PCDH15: variants seen among roughly 807,000 people sequenced by gnomAD.
PCDH15 encodes the protein protocadherin related 15, also known as protocadherin-15.
Under a neutral mutation model 178.5 loss-of-function variants are expected in PCDH15, and 129 were observed. The ratio of observed to expected loss-of-function variants is 0.72; its 90% CI spans 0.63 to 0.84. PCDH15 has a LOEUF of 0.84. Among genes scored for constraint, PCDH15 ranks in the 40% least tolerant of loss-of-function variants. The pLI is 0.00. For synonymous variants in PCDH15, 800 were observed against 732.0 expected, an observed-to-expected ratio of 1.09 and a Z score of -1.50; for missense variants, 2,230 against 2,099.9, an observed-to-expected ratio of 1.06 and a Z score of -1.21.
chr10:54,020,321 T>C lies in PCDH15; in HGVS notation c.2622A>G (p.Leu874=), dbSNP rs1419751426. 1 of 1,613,744 alleles carries C rather than the reference T, an allele frequency of 6.2e-7. No homozygotes were observed. Among genetic ancestry groups the C allele is most frequent in the African/African-American group, 1.3e-5 (1 of 74,914 alleles). Residue 874 remains leucine, a synonymous_variant, in exon 20 of 38, where the codon CTA becomes CTG. Transcript: ENST00000644397. ...CATAATCTAAACTCCTTAAAAGCGA[T>C]AGTTCTCCTGTAAATGGATGTAGTG... is the stretch of plus-strand genomic sequence containing the variant. The part of the protein sequence containing the change: ...FFALHPFTGE[L]SLLRSLDYEA...
At chr10:54,763,647 G>T (rs1408352245) in intron 1 of PCDH15, among the ~76,000 whole-genome samples, 2 of 151,638 alleles carry the variant, frequency 1.3e-5, no homozygotes, top group African/African-American at 4.8e-5. Flanking sequence ...ATAAATCTTT[G>T]TGGTGATGGA....
intron 14 of PCDH15, among the ~76,000 whole-genome samples, chr10:54,141,369 T>C (rs1269327072): frequency 6.6e-6 from 1 of 152,150 alleles, no homozygotes; most frequent in Non-Finnish European, 1.5e-5. Context: ...AAAAATCTTA[T>C]AAAAGACTTA....
rs569594006 is a variant in PCDH15, at chr10:55,240,037, T to A, written c.-155-73386A>T. Among the ~76,000 whole-genome samples, 10 of 152,084 alleles carry A rather than the reference T, an allele frequency of 6.6e-5. No homozygotes were observed. In the South Asian group the frequency reaches 1.9e-3, roughly 28 times the overall value. On this transcript the variant is annotated intron_variant, in intron 1 of 5. Transcript: ENST00000458638. Reference sequence around the variant, plus strand: ...GCTTTTATCCAAAAACAGGCAACAATGAAGGATGTGGAGGAAGCGGAACCC... The same window carrying A: ...GCTTTTATCCAAAAACAGGCAACAAAGAAGGATGTGGAGGAAGCGGAACCC...
intron 2 of PCDH15, among the ~76,000 whole-genome samples, chr10:55,132,545 C>T (rs1838081112): frequency 6.6e-6 from 1 of 152,072 alleles, no homozygotes; most frequent in African/African-American, 2.4e-5. Context: ...ATGTCTGAAG[C>T]ATTAGTGTAT....
At chr10:54,041,981 A>T (rs2093556899) in intron 18 of PCDH15, among the ~76,000 whole-genome samples, 1 of 151,948 alleles carries the variant, frequency 6.6e-6, no homozygotes, top group African/African-American at 2.4e-5. Context: ...TATTAGTAAC[A>T]TTCTTGAGAT....
At position 54,090,047 on chromosome 10, in the gene PCDH15, C is replaced by A. The variant is rs763226433; in HGVS notation, c.1934G>T (p.Gly645Val). Residue 645 changes from glycine (G) to valine (V), a missense_variant, in exon 16 of 38, where the codon GGA becomes GTA. By Grantham distance (109) the Gly-to-Val change is moderately radical. Coordinates refer to ENST00000644397, the MANE Select transcript of PCDH15 (RefSeq NM_001384140.1). ...LLNLQATDRE[G>V]DSITYAIENG... ...CTCAATGGCATATGTTATTGAGTCTCCCTCTCGATCAGTTGCCTTCAGAGA... is the reference window on the plus strand; with the variant it reads ...CTCAATGGCATATGTTATTGAGTCTACCTCTCGATCAGTTGCCTTCAGAGA... 6.2e-7 allele frequency: 1 copy of A among 1,611,558 alleles called. No individual in the cohort carries two copies. The highest frequency in any genetic ancestry group is 8.5e-7 in the Non-Finnish European group (1 of 1,178,110).
chr10:54,423,167 G>C (rs1955771350), intron 3 of PCDH15, among the ~76,000 whole-genome samples: 1 of 151,928 alleles, frequency 6.6e-6, no homozygotes, highest in Non-Finnish European at 1.5e-5. Flanking sequence ...TTATTCACCA[G>C]GCCATATTTA....
At chr10:54,332,743 A>G (rs1235045400) in intron 6 of PCDH15, among the ~76,000 whole-genome samples, 1 of 152,036 alleles carries the variant, frequency 6.6e-6, no homozygotes, top group Non-Finnish European at 1.5e-5. Flanking sequence ...TAAGCAACTT[A>G]ATGAATCTTT....
chr10:54,262,285 C>A (rs1255918235), intron 8 of PCDH15, among the ~76,000 whole-genome samples: 1 of 152,116 alleles, frequency 6.6e-6, no homozygotes, highest in Non-Finnish European at 1.5e-5. Flanking sequence ...ATCTGCCAGG[C>A]TGGGAGTGAA....
At chr10:55,140,002 C>T (rs1838303933) in intron 2 of PCDH15, among the ~76,000 whole-genome samples, 1 of 151,794 alleles carries the variant, frequency 6.6e-6, no homozygotes, top group African/African-American at 2.4e-5. Context: ...TAGAATTACA[C>T]CTAAGAAAAG....
At chr10:53,947,511 C>T (rs1388927069) in intron 23 of PCDH15, among the ~76,000 whole-genome samples, 1 of 151,682 alleles carries the variant, frequency 6.6e-6, no homozygotes, top group African/African-American at 2.4e-5. Flanking sequence ...TACTGTTTTT[C>T]TACCTACTAT....
intron 3 of PCDH15, among the ~76,000 whole-genome samples, chr10:54,890,922 C>T (rs1278835335): frequency 6.6e-6 from 1 of 151,996 alleles, no homozygotes; most frequent in Admixed American, 6.6e-5. Flanking sequence ...CACATAAACT[C>T]ATGCTTAATT....
chr10:55,497,287 G>T (rs539106795), intron 2 of PCDH15, among the ~76,000 whole-genome samples: 216 of 151,436 alleles, frequency 1.4e-3, no homozygotes, highest in African/African-American at 4.7e-3. Flanking sequence ...ACACCATGAC[G>T]CCTGGCTGAT....
intron 21 of PCDH15, among the ~76,000 whole-genome samples, chr10:53,982,699 T>C (rs1283356860): frequency 6.7e-6 from 1 of 149,104 alleles, no homozygotes; most frequent in Non-Finnish European, 1.5e-5. Flanking sequence ...AGGGATAGCA[T>C]TAGGAGATAT....
At chr10:54,080,348 T>C (rs1315510972) in intron 16 of PCDH15, among the ~76,000 whole-genome samples, 1 of 152,170 alleles carries the variant, frequency 6.6e-6, no homozygotes, top group Non-Finnish European at 1.5e-5. Flanking sequence ...TGTAATTTAT[T>C]TTATAACAGT....
intron 1 of PCDH15, among the ~76,000 whole-genome samples, 176 bp downstream of exon 1, chr10:54,800,749 C>T (rs1369297983): frequency 6.6e-6 from 1 of 152,164 alleles, no homozygotes; most frequent in Non-Finnish European, 1.5e-5. Context: ...CAGTTGTGTT[C>T]ACTCTTCCAG....
At chr10:54,036,608 T>C (rs2093422986) in intron 18 of PCDH15, among the ~76,000 whole-genome samples, 2 of 151,910 alleles carry the variant, frequency 1.3e-5, no homozygotes, top group Admixed American at 1.3e-4. Flanking sequence ...TTTCTAAACA[T>C]TACTGCTCAT....
At chr10:54,818,286 C>T (rs2133737313) in intron 3 of PCDH15, among the ~76,000 whole-genome samples, 1 of 152,152 alleles carries the variant, frequency 6.6e-6, no homozygotes, top group South Asian at 2.1e-4. Context: ...ATTATTAGGG[C>T]ATATTCAGTA....
At chr10:54,004,970 T>C (rs2092332519) in intron 20 of PCDH15, among the ~76,000 whole-genome samples, 1 of 148,966 alleles carries the variant, frequency 6.7e-6, no homozygotes, top group East Asian at 2.0e-4. Flanking sequence ...AAAACACACA[T>C]ATATCCATGG....
Sources: allele counts gnomAD v4.1 joint callset (sites outside exome capture counted in the v4.1 genomes callset), GRCh38; gene constraint gnomAD v4.1.1; transcripts MANE v1.5; gene names NCBI Gene and HGNC (gene_info 2026-07-23, HGNC 2026-07-21).